The following MANBA variants were observed in gnomAD, a reference collection of about 807,000 sequenced individuals.
MANBA encodes mannosidase beta, also known as beta-mannosidase.
In MANBA, 83 loss-of-function variants were observed where a neutral mutation model predicts 111.1. That is an observed-to-expected ratio of 0.75 (90% CI 0.63 to 0.90). MANBA has a LOEUF of 0.90. Among genes scored for constraint, MANBA ranks in the 40% least tolerant of loss-of-function variants. MANBA has a pLI of 0.00. For synonymous variants in MANBA, 370 were observed against 378.7 expected (o/e 0.98, Z 0.27); for missense variants, 1,036 against 1,069.0 (o/e 0.97, Z 0.43).
chr4:102,708,980 A>G (rs9307271), intron 5 of MANBA, among the ~76,000 whole-genome samples: 4,224 of 152,114 alleles, frequency 0.028, 137 homozygotes, highest in African/African-American at 0.078. Context: ...AAACATAGAG[A>G]AAATAGGTAA....
At chr4:102,740,149 C>T (rs1387664922) in intron 1 of MANBA, among the ~76,000 whole-genome samples, 4 of 152,118 alleles carry the variant, frequency 2.6e-5, no homozygotes, top group Admixed American at 2.0e-4. Flanking sequence ...ACACCAACAG[C>T]GACCAAGCTG....
At chr4:102,754,563 A>AT (rs928481889) in intron 1 of MANBA, among the ~76,000 whole-genome samples, 75 of 147,518 alleles carry the variant, frequency 5.1e-4, no homozygotes, top group South Asian at 1.1e-3. Context: ...TTATTTATTT[A>AT]TTTTTTTTTT....
intron 5 of MANBA, among the ~76,000 whole-genome samples, chr4:102,696,489 T>A (rs1732713685): frequency 6.6e-6 from 1 of 152,150 alleles, no homozygotes; most frequent in Admixed American, 6.5e-5. Flanking sequence ...AAATATGTTG[T>A]CTCTAACTCT....
chr4:102,665,506 A>G (rs1731177535), intron 10 of MANBA: 1 of 152,336 alleles, frequency 6.6e-6, no homozygotes, highest in Admixed American at 6.5e-5. Context: ...CTGAGAAATC[A>G]ACTAACATTA....
chr4:102,689,326 G>A (rs1732362674), intron 7 of MANBA, among the ~76,000 whole-genome samples: 1 of 144,350 alleles, frequency 6.9e-6, no homozygotes, highest in Non-Finnish European at 1.5e-5. Context: ...TCCAGCCTGA[G>A]TGACAGAGCA....
chr4:102,726,714 T>C (rs1050070573), intron 1 of MANBA, 31 bp from the exon 2 acceptor site: 5 of 926,978 alleles, frequency 5.4e-6, no homozygotes, highest in Admixed American at 3.4e-5. Context: ...TTATGGTAGA[T>C]GGTTAAATAT....
At chr4:102,730,009 C>A in intron 1 of MANBA, 1 of 838,450 alleles carries the variant, frequency 1.2e-6, no homozygotes. Flanking sequence ...CTGCCCTCAC[C>A]ATAGCCTCCG....
Position 102,750,919 on chromosome 4 carries a change from C to CA in MANBA, c.177+9798dup, listed in dbSNP as rs112851117. Among the ~76,000 whole-genome samples the CA allele has an allele frequency of 2.1e-3, 317 of 151,126 alleles. 5 individuals are homozygous for CA. The highest frequency in any genetic ancestry group is 6.9e-3 in the African/African-American group (286 of 41,208). On this transcript the variant is annotated intron_variant, in intron 1 of 16. Transcript: ENST00000647097. The stretch of plus-strand genomic sequence containing the variant: ...CAGAGTAATACCCTATCTCAAAAAA[C>CA]AAAAAAAATGATAACAAAACAAAAT...
intron 1 of MANBA, chr4:102,728,800 G>A (rs552217518): frequency 1.2e-5 from 11 of 926,534 alleles, no homozygotes; most frequent in Non-Finnish European, 1.7e-5. Context: ...CATGGGTCTC[G>A]ATCTTCTTCA....
rs1470380895 is a variant in MANBA, at chr4:102,657,797, T to C, written c.1589A>G (p.Asp530Gly). The change falls in exon 12 of 17, where the codon GAT (aspartate) becomes GGT (glycine). Residue 530 changes from aspartate (D) to glycine (G), a missense_variant. Asp to Gly is a moderately conservative substitution (Grantham distance 94, BLOSUM62 -1). Transcript: ENST00000647097. ...SQNPNSNYFG[D>G]VHFYDYISDC... The stretch of plus-strand genomic sequence containing the variant: ...ACTGATATAGTCATAAAAATGTACA[T>C]CACCAAAATAATTGCTATTAGGGTT... 3.7e-6 allele frequency: 6 copies of C among 1,613,542 alleles called. No homozygotes were observed. Among genetic ancestry groups the C allele is most frequent in the South Asian group, 3.3e-5 (3 of 91,074 alleles).
chr4:102,693,431 A>G (rs1335499294), intron 5 of MANBA, among the ~76,000 whole-genome samples: 1 of 152,200 alleles, frequency 6.6e-6, no homozygotes, highest in Non-Finnish European at 1.5e-5. Context: ...CAGCCTTATA[A>G]GAAGAGGAAG....
Position 102,664,515 on chromosome 4 carries a change from A to AT in MANBA, c.1485+169dup, listed in dbSNP as rs367603222. ...AGGCGCCCGCCACCGCGCCCAGCTA[A>AT]TTTTTTTTGTATTTTTAGTAGAGAC... On this transcript the variant is annotated intron_variant, in intron 11 of 16. Transcript: ENST00000647097. 3.8e-4 allele frequency among the ~76,000 whole-genome samples: 57 copies of AT among 151,154 alleles called. 1 individual carries two copies. Among genetic ancestry groups the AT allele is most frequent in the Non-Finnish European group, 6.6e-4 (45 of 67,750 alleles).
At chr4:102,723,249 C>T (rs548856637) in intron 3 of MANBA, among the ~76,000 whole-genome samples, 1 of 152,302 alleles carries the variant, frequency 6.6e-6, no homozygotes, top group East Asian at 1.9e-4. Context: ...TATTTTCCTA[C>T]CCAATCCAAG....
At chr4:102,636,060 C>T in intron 14 of MANBA, 53 bp from the exon 15 acceptor site, 1 of 1,539,056 alleles carries the variant, frequency 6.5e-7, no homozygotes, top group Non-Finnish European at 9.0e-7. Flanking sequence ...GTCAGAGAGG[C>T]ACTGTCCAAT....
chr4:102,654,902 C>G (rs1730493958), intron 12 of MANBA, among the ~76,000 whole-genome samples: 1 of 152,038 alleles, frequency 6.6e-6, no homozygotes, highest in African/African-American at 2.4e-5. Context: ...TTATTAATAT[C>G]TCTATTTATA....
At chr4:102,683,437 T>C (rs972591780) in intron 7 of MANBA, among the ~76,000 whole-genome samples, 1 of 152,206 alleles carries the variant, frequency 6.6e-6, no homozygotes, top group Non-Finnish European at 1.5e-5. Context: ...GAAATTCTTA[T>C]AAAATAAATT....
intron 12 of MANBA, among the ~76,000 whole-genome samples, chr4:102,651,905 C>A (rs1730349215): frequency 6.6e-6 from 1 of 152,082 alleles, no homozygotes; most frequent in African/African-American, 2.4e-5. Flanking sequence ...GACACACATC[C>A]TTTATCAATA....
chr4:102,723,746 T>C lies in MANBA; in HGVS notation c.378+116A>G, dbSNP rs987036798. ...GAAATCAAGTAACTCATCCAGTGCTTTAATGAGCTCATATTTGTCACATGG... is the reference window on the plus strand; with the variant it reads ...GAAATCAAGTAACTCATCCAGTGCTCTAATGAGCTCATATTTGTCACATGG... On this transcript the variant is annotated intron_variant, in intron 3 of 16. Coordinates refer to ENST00000647097, the MANE Select transcript of MANBA (RefSeq NM_005908.4). The C allele has an allele frequency of 6.0e-6, 4 of 662,634 alleles. No homozygotes were observed. The East Asian group carries it at 1.1e-4, about 18-fold the overall frequency. 41.0% of individuals were successfully genotyped at this position (662,634 alleles called of 1,614,324 possible).
intron 12 of MANBA, among the ~76,000 whole-genome samples, chr4:102,655,882 CAT>C (rs1730536798): frequency 6.6e-6 from 1 of 152,152 alleles, no homozygotes; most frequent in Admixed American, 6.6e-5. Context: ...ATTTGCAAAT[CAT>C]ATACCTGATA....
Sources: gnomAD v4.1 joint callset for allele counts (sites outside exome capture counted in the v4.1 genomes callset) on GRCh38, gnomAD v4.1.1 for gene constraint, MANE v1.5 for transcripts, NCBI Gene and HGNC (gene_info 2026-07-23, HGNC 2026-07-21) for gene names.